The following SLC15A5 variants were observed in gnomAD, a reference collection of about 807,000 sequenced individuals.
SLC15A5 encodes the protein Peptide/histidine transporter ENSP00000340402.
Under a neutral mutation model 56.1 loss-of-function variants are expected in SLC15A5, and 58 were observed. The observed-to-expected ratio is 1.03, with a 90% CI of 0.84 to 1.29. The LOEUF (loss-of-function observed/expected upper bound fraction) is 1.29, where lower values mean the gene tolerates loss of function less well. Among genes scored for constraint, SLC15A5 ranks in the 50% most tolerant of loss-of-function variants. The probability of loss-of-function intolerance (pLI) is 0.00; values close to 1 mark genes in which losing one functional copy is unlikely to be tolerated. For missense variants in SLC15A5, 681 were observed against 672.1 expected, an observed-to-expected ratio of 1.01 and a Z score of -0.15; for synonymous variants, 264 against 250.5, an observed-to-expected ratio of 1.05 and a Z score of -0.51.
At position 16,235,964 on chromosome 12, in the gene SLC15A5, T is replaced by A. The variant is rs1864348530; in HGVS notation, c.1162+3717A>T. Among the ~76,000 whole-genome samples the A allele has an allele frequency of 6.6e-6, 1 of 152,188 alleles. No individual in the cohort carries two copies. On this transcript the variant is annotated intron_variant, in intron 5 of 8. Transcript: ENST00000344941. The surrounding 1 kb of genome is among the most constrained non-coding windows in gnomAD (Gnocchi z 4.1). The stretch of plus-strand genomic sequence containing the variant: ...AGACTTTTAGCTGGAACTTGAATTT[T>A]CATGTTTTTATTTTAAAGAAAAAAG...
At chr12:16,244,540 C>G in intron 4 of SLC15A5, 40 bp downstream of exon 4, 1 of 1,507,774 alleles carries the variant, frequency 6.6e-7, no homozygotes, top group Non-Finnish European at 8.9e-7. Flanking sequence ...CATGCAATCA[C>G]TTTCCTGTTG....
rs1864369093 is a variant in SLC15A5, at chr12:16,237,998, CT to C, written c.1162+1682del. ...TTCTACATTGGCAGACAGAAAAGCA[CT>C]TTTTAAGTCTTAAGGATTATCAAAA... is the stretch of plus-strand genomic sequence containing the variant. On this transcript the variant is annotated intron_variant, in intron 5 of 8. Coordinates refer to ENST00000344941, the MANE Select transcript of SLC15A5 (RefSeq NM_001170798.1). The surrounding 1 kb of genome is among the most constrained non-coding windows in gnomAD (Gnocchi z 4.1). 1.3e-5 allele frequency among the ~76,000 whole-genome samples: 2 copies of C among 152,232 alleles called. No individual in the cohort carries two copies. The highest frequency in any genetic ancestry group is 1.3e-4 in the Admixed American group (2 of 15,290).
At chr12:16,259,180 C>T (rs913301896) in intron 2 of SLC15A5, among the ~76,000 whole-genome samples, 6 of 147,762 alleles carry the variant, frequency 4.1e-5, no homozygotes, top group Admixed American at 6.8e-5. Flanking sequence ...ACCACAAGCA[C>T]GCACTACCAT....
At chr12:16,197,752 CTT>C (rs35667399) in intron 7 of SLC15A5, among the ~76,000 whole-genome samples, 69,986 of 146,010 alleles carry the variant, frequency 0.48, 16,924 homozygotes, top group South Asian at 0.72. Flanking sequence ...TTCTGTATGC[CTT>C]TTTTTTTTTT....
chr12:16,258,085 C>T (rs899188365), intron 2 of SLC15A5, among the ~76,000 whole-genome samples: 1 of 152,112 alleles, frequency 6.6e-6, no homozygotes, highest in Non-Finnish European at 1.5e-5. Context: ...TGTTTAGAAT[C>T]GATATAGAAA....
rs75555625 is a variant in SLC15A5 at position 16,270,756 on chromosome 12, G to T, written c.584+1805C>A. On this transcript the variant is annotated intron_variant, in intron 2 of 8. Coordinates refer to ENST00000344941, the MANE Select transcript of SLC15A5 (RefSeq NM_001170798.1). The stretch of plus-strand genomic sequence containing the variant: ...CTGCCAGCTGTCTGGTTGCCCAGTG[G>T]AGTCTCTGTCCATCTTGTCACCAGC... Among the ~76,000 whole-genome samples, 1,119 of 152,248 alleles carry T rather than the reference G, an allele frequency of 7.3e-3. 20 individuals carry two copies. The highest frequency in any genetic ancestry group is 0.026 in the African/African-American group (1,067 of 41,530).
At position 16,188,760 on chromosome 12, in the gene SLC15A5, T is replaced by C. The variant is rs1355568529; in HGVS notation, c.*908A>G. ...GCCAGAAAGATTCACCTGTAGCAAG[T>C]TGTCCTCAACCAAATGTTGACAAAT... On this transcript the variant is annotated 3_prime_UTR_variant, in exon 9 of 9. Transcript: ENST00000344941. 6.6e-6 allele frequency: 1 copy of C among 152,212 alleles called. No homozygotes were observed. Among genetic ancestry groups the C allele is most frequent in the African/African-American group, 2.4e-5 (1 of 41,468 alleles). The allele number at this position is 152,212 out of a possible 1,614,324, so 9.4% of individuals were successfully genotyped here.
chr12:16,270,141 G>T (rs1043670078), intron 2 of SLC15A5, among the ~76,000 whole-genome samples: 2 of 152,182 alleles, frequency 1.3e-5, no homozygotes, highest in Non-Finnish European at 2.9e-5. Flanking sequence ...TTGGCTGGGA[G>T]TGGTTTTCTC....
chr12:16,198,784 G>A (rs575170216), intron 7 of SLC15A5, among the ~76,000 whole-genome samples: 2 of 152,176 alleles, frequency 1.3e-5, no homozygotes, highest in Admixed American at 6.5e-5. Context: ...AACATATATC[G>A]TGATACACAC....
chr12:16,201,623 A>T (rs1049807904), intron 7 of SLC15A5, among the ~76,000 whole-genome samples: 1 of 152,084 alleles, frequency 6.6e-6, no homozygotes, highest in Non-Finnish European at 1.5e-5. Flanking sequence ...TGAGTGAGTT[A>T]TCAGGAGATC....
intron 3 of SLC15A5, among the ~76,000 whole-genome samples, chr12:16,251,737 A>G (rs929088827): frequency 6.6e-6 from 1 of 151,928 alleles, no homozygotes; most frequent in Non-Finnish European, 1.5e-5. Context: ...AACGGTACCA[A>G]ACATTTAAAG....
In SLC15A5 at chr12:16,188,645, A is replaced by G. The variant is rs1863811175; in HGVS notation, c.*1023T>C. The stretch of plus-strand genomic sequence containing the variant: ...CAATGGCTTTTAAACCTTAGGGAAC[A>G]TGAGAATGATTTGGGTGTGCTTATT... On this transcript the variant is annotated 3_prime_UTR_variant, in exon 9 of 9. Transcript: ENST00000344941. 1 of 152,204 alleles carries G rather than the reference A, an allele frequency of 6.6e-6. No homozygotes were observed. The highest frequency in any genetic ancestry group is 2.4e-5 in the African/African-American group (1 of 41,452). The allele number at this position is 152,204 out of a possible 1,614,324, so 9.4% of individuals were successfully genotyped here.
chr12:16,257,593 T>C, intron 3 of SLC15A5, 108 bp downstream of exon 3: 1 of 923,940 alleles, frequency 1.1e-6, no homozygotes, highest in Admixed American at 4.1e-5. Context: ...TCTGACACAA[T>C]TTTCAAATTC....
chr12:16,254,072 G>T lies in SLC15A5; in HGVS notation c.754+3629C>A, dbSNP rs74724583. Among the ~76,000 whole-genome samples the T allele has an allele frequency of 1.4e-3, 215 of 152,140 alleles. 6 individuals are homozygous for T. In the East Asian group the frequency reaches 0.028, roughly 20 times the overall value. ...TAGACAAGTGAATAAAGAAAATGTG[G>T]TATATACATAAAATGGAATGTTATG... is the stretch of plus-strand genomic sequence containing the variant. On this transcript the variant is annotated intron_variant, in intron 3 of 8. Coordinates refer to ENST00000344941, the MANE Select transcript of SLC15A5 (RefSeq NM_001170798.1).
At position 16,271,461 on chromosome 12, in the gene SLC15A5, TAA is replaced by T. The variant is rs892234537; in HGVS notation, c.584+1098_584+1099del. ...GGAGGCAGAATTTGCTGCAAGGAAG[TAA>T]AGAGTCCCTTCTACCTTTGGTAAGA... On this transcript the variant is annotated intron_variant, in intron 2 of 8. Coordinates refer to ENST00000344941, the MANE Select transcript of SLC15A5 (RefSeq NM_001170798.1). The surrounding 1 kb of genome is among the most constrained non-coding windows in gnomAD (Gnocchi z 8.0). Among the ~76,000 whole-genome samples the T allele has an allele frequency of 4.6e-5, 7 of 152,168 alleles. No individual in the cohort carries two copies. Among genetic ancestry groups the T allele is most frequent in the African/African-American group, 1.7e-4 (7 of 41,442 alleles).
intron 7 of SLC15A5, 31 bp from the exon 8 acceptor site, chr12:16,194,484 C>G: frequency 7.2e-7 from 1 of 1,381,976 alleles, no homozygotes; most frequent in Non-Finnish European, 9.9e-7. Flanking sequence ...TGTTATTCAA[C>G]TGCAGAGTTG....
chr12:16,246,292 T>C (rs979939487), intron 3 of SLC15A5, among the ~76,000 whole-genome samples: 1 of 152,206 alleles, frequency 6.6e-6, no homozygotes, highest in Admixed American at 6.5e-5. Context: ...CCAAGATTTG[T>C]TTCTCTTAGG....
chr12:16,205,565 A>ATATAT (rs1565657565), intron 7 of SLC15A5, among the ~76,000 whole-genome samples: 5 of 6,786 alleles, frequency 7.4e-4, no homozygotes, highest in Admixed American at 2.1e-3. Context: ...TATATTCCAT[A>ATATAT]AGAAGGGAAA....
intron 3 of SLC15A5, among the ~76,000 whole-genome samples, chr12:16,253,086 C>T (rs561848715): frequency 1.3e-5 from 2 of 152,184 alleles, no homozygotes; most frequent in South Asian, 4.1e-4. Context: ...CGGATATCCA[C>T]ATGCAAAAGA....
Sources: gnomAD v4.1 joint callset for allele counts (sites outside exome capture counted in the v4.1 genomes callset) on GRCh38, gnomAD v4.1.1 for gene constraint, Gnocchi (gnomAD v3.1) non-coding constraint, MANE v1.5 for transcripts, NCBI Gene and HGNC (gene_info 2026-07-23, HGNC 2026-07-21) for gene names.